The following SYDE2 variants were observed in gnomAD, a reference collection of about 807,000 sequenced individuals.
The protein encoded by SYDE2 is rho GTPase-activating protein SYDE2.
SYDE2 carries 76 observed loss-of-function variants against 91.5 expected under a neutral mutation model. The observed-to-expected ratio is 0.83, with a 90% CI of 0.69 to 1.01. The LOEUF is 1.01. SYDE2 is among the 50% of genes least tolerant of loss of function. SYDE2 has a pLI of 0.00. For synonymous variants in SYDE2, 513 were observed against 506.4 expected, an observed-to-expected ratio of 1.01 and a Z score of -0.18; for missense variants, 1,364 against 1,367.7, an observed-to-expected ratio of 1.00 and a Z score of 0.04.
rs1188818421 is a variant in SYDE2, at chr1:85,159,138, C to T, written c.3197G>A (p.Gly1066Asp). ...KERPHMLNLS[G>D]TDSSGVLRPR... ...CCTAAGTACTCCTGATGAATCAGTA[C>T]CACTCAAATTTAACATATGAGGTCG... Residue 1066 changes from glycine to aspartate, a missense_variant, in exon 7 of 7, where the codon GGT becomes GAT. Gly to Asp is a moderately conservative substitution (Grantham distance 94). Coordinates refer to ENST00000341460, the MANE Select transcript of SYDE2 (RefSeq NM_032184.2). 3.8e-6 allele frequency: 3 copies of T among 780,690 alleles called. No individual in the cohort carries two copies. Among genetic ancestry groups the T allele is most frequent in the Non-Finnish European group, 7.2e-6 (3 of 417,962 alleles). The allele number at this position is 780,690 out of a possible 1,614,324, so 48.4% of individuals were successfully genotyped here. A position where few individuals can be genotyped will look rare whatever the true frequency, so the allele number is the denominator to read the frequency against.
At chr1:85,185,235 ATAT>A (rs1374929421) in intron 2 of SYDE2, among the ~76,000 whole-genome samples, 3 of 147,638 alleles carry the variant, frequency 2.0e-5, no homozygotes, top group Admixed American at 6.8e-5. Context: ...ATATATATTT[ATAT>A]TATTTTATAA....
chr1:85,194,177 T>C (rs541960524), intron 1 of SYDE2, among the ~76,000 whole-genome samples: 133 of 151,664 alleles, frequency 8.8e-4, no homozygotes, highest in African/African-American at 3.1e-3. Context: ...CATTTTTATC[T>C]CACTTAAATT....
At chr1:85,153,782 C>T (rs1313394807), downstream of SYDE2, 1 of 151,986 alleles carries the variant, frequency 6.6e-6, no homozygotes, top group African/African-American at 2.4e-5. Context: ...TTTTCCAAGT[C>T]TATTTCTCAA....
chr1:85,190,837 A>AT (rs1208312659), intron 1 of SYDE2, 85 bp from the exon 2 acceptor site: 2 of 1,185,658 alleles, frequency 1.7e-6, no homozygotes, highest in Admixed American at 2.6e-5. Context: ...ATTTAAAAAA[A>AT]TTTTTTTAAA....
intron 2 of SYDE2, among the ~76,000 whole-genome samples, chr1:85,186,049 A>G (rs902243496): frequency 2.0e-5 from 3 of 151,650 alleles, no homozygotes; most frequent in Non-Finnish European, 4.4e-5. Context: ...ATCTATTGAG[A>G]TAATCATGTG....
Position 85,200,726 on chromosome 1 carries a change from G to A in SYDE2, c.271C>T (p.Arg91Trp). The A allele has an allele frequency of 6.5e-7, 1 of 1,534,948 alleles. No homozygotes were observed. Among genetic ancestry groups the A allele is most frequent in the South Asian group, 1.2e-5 (1 of 83,990 alleles). ...AAGGGAGGCGGCTTGGCACCCACCC[G>A]GAGGCTCTCGAGGCTTCTGCTGCAG... ...PSCSRSLESL[R>W]VGAKPPPFQR... Residue 91 changes from arginine (R) to tryptophan (W), a missense_variant, in exon 1 of 7, where the codon CGG becomes TGG. By Grantham distance (101) the Arg-to-Trp change is moderately radical. Coordinates refer to ENST00000341460, the MANE Select transcript of SYDE2 (RefSeq NM_032184.2).
intron 1 of SYDE2, among the ~76,000 whole-genome samples, chr1:85,195,869 G>A (rs938469062): frequency 1.3e-5 from 2 of 152,082 alleles, no homozygotes; most frequent in African/African-American, 4.8e-5. Context: ...TAAGTGCTAG[G>A]CACAGCACCA....
At chr1:85,186,672 G>T (rs1204009206) in intron 2 of SYDE2, among the ~76,000 whole-genome samples, 1 of 151,700 alleles carries the variant, frequency 6.6e-6, no homozygotes, top group East Asian at 1.9e-4. Flanking sequence ...CAGAGATATA[G>T]ATCAATGGAA....
In SYDE2 at chr1:85,160,235, T is replaced by C. The variant is rs959178596; in HGVS notation, c.3086-986A>G. On this transcript the variant is annotated intron_variant, in intron 6 of 6. Coordinates refer to ENST00000341460, the MANE Select transcript of SYDE2 (RefSeq NM_032184.2). ...CAACTTTATACTCTCCAATATATAA[T>C]GAATGCTTGTTTGCTGTTGTATAAA... 4.1e-6 allele frequency: 4 copies of C among 969,176 alleles called. No individual in the cohort carries two copies. In the African/African-American group the frequency reaches 7.0e-5, roughly 17 times the overall value. The allele number at this position is 969,176 out of a possible 1,614,324, so 60.0% of individuals were successfully genotyped here.
chr1:85,159,259 A>G lies in SYDE2; in HGVS notation c.3086-10T>C, dbSNP rs752908055. ...ACAGTTAAACGCTGCACTAGAAACAAACAATAATTTTGCTTTAGTGACAGT... is the reference window on the plus strand; with the variant it reads ...ACAGTTAAACGCTGCACTAGAAACAGACAATAATTTTGCTTTAGTGACAGT... On this transcript the variant is annotated splice_polypyrimidine_tract_variant and intron_variant, in intron 6 of 6. Coordinates refer to ENST00000341460, the MANE Select transcript of SYDE2 (RefSeq NM_032184.2). 2.6e-6 allele frequency: 2 copies of G among 775,434 alleles called. No homozygotes were observed. The allele number at this position is 775,434 out of a possible 1,614,324, so 48.0% of individuals were successfully genotyped here. A position where few individuals can be genotyped will look rare whatever the true frequency, so the allele number is the denominator to read the frequency against.
chr1:85,174,531 T>G (rs1166134844), intron 4 of SYDE2, among the ~76,000 whole-genome samples: 7 of 152,154 alleles, frequency 4.6e-5, no homozygotes, highest in Non-Finnish European at 1.0e-4. Flanking sequence ...CATACAAAAC[T>G]TATATAGGTA....
Position 85,182,477 on chromosome 1 carries a change from C to T in SYDE2, c.2165G>A (p.Arg722Gln), listed in dbSNP as rs983367321. ...GTGATCCATGTCTAAAAATGTTGTT[C>T]GGCATGTGAGCAAAGCTGTTCTTGC... ...NKARTALLTC[R>Q]TTFLDMDHTF... is the part of the protein sequence containing the mutation. Residue 722 changes from arginine to glutamine, a missense_variant, in exon 3 of 7, where the codon CGA (arginine) becomes CAA (glutamine). Arg to Gln is a conservative substitution (Grantham distance 43). Coordinates refer to ENST00000341460, the MANE Select transcript of SYDE2 (RefSeq NM_032184.2). 1.1e-5 allele frequency: 17 copies of T among 1,613,414 alleles called. No homozygotes were observed. The highest frequency in any genetic ancestry group is 1.3e-5 in the Non-Finnish European group (15 of 1,179,712).
At position 85,200,820 on chromosome 1, in the gene SYDE2, C is replaced by A; in HGVS notation, c.177G>T (p.Val59=). 1 of 1,427,660 alleles carries A rather than the reference C, an allele frequency of 7.0e-7. No individual in the cohort carries two copies. The highest frequency in any genetic ancestry group is 9.1e-7 in the Non-Finnish European group (1 of 1,098,856). The allele number at this position is 1,427,660 out of a possible 1,614,324, so 88.4% of individuals were successfully genotyped here. The change falls in exon 1 of 7, where the codon GTG becomes GTT. Residue 59 remains valine, a synonymous_variant. Transcript: ENST00000341460. Reference sequence around the variant, plus strand: ...CCCTCTGAGGCGACCGGGGCGGGGACACCTGCTGCCGAGGGCGTCCGCCGC... The same window carrying A: ...CCCTCTGAGGCGACCGGGGCGGGGAAACCTGCTGCCGAGGGCGTCCGCCGC... The part of the protein sequence containing the change: ...RGGGGRPRQQ[V]SPPRSPQREP...
At position 85,158,049 on chromosome 1, in the gene SYDE2, C is replaced by T. The variant is rs112094647; in HGVS notation, c.*701G>A. On this transcript the variant is annotated 3_prime_UTR_variant, in exon 7 of 7. Coordinates refer to ENST00000341460, the MANE Select transcript of SYDE2 (RefSeq NM_032184.2). ...TTGCAGTGTACCAGGACCAGTACTG[C>T]AAATCAGACTGAGCAGCTGTGATGT... 1 of 152,120 alleles carries T rather than the reference C, an allele frequency of 6.6e-6. No individual in the cohort carries two copies. The highest frequency in any genetic ancestry group is 1.5e-5 in the Non-Finnish European group (1 of 68,032). 9.4% of individuals were successfully genotyped at this position (152,120 alleles called of 1,614,324 possible).
intron 6 of SYDE2, chr1:85,160,629 CT>C: frequency 3.0e-5 from 30 of 985,428 alleles, no homozygotes; most frequent in Non-Finnish European, 3.6e-5. Context: ...CTTCCTCTAG[CT>C]GCTTATCACC....
chr1:85,195,157 C>T (rs1658535869), intron 1 of SYDE2, among the ~76,000 whole-genome samples: 1 of 127,602 alleles, frequency 7.8e-6, no homozygotes, highest in Non-Finnish European at 1.6e-5. Flanking sequence ...TAGACTCCAT[C>T]TAAAAAAAAA....
At chr1:85,198,777 A>C (rs1658696962) in intron 1 of SYDE2, among the ~76,000 whole-genome samples, 1 of 150,702 alleles carries the variant, frequency 6.6e-6, no homozygotes, top group Non-Finnish European at 1.5e-5. Context: ...CTGAAATTCA[A>C]CTATGGTACC....
At chr1:85,196,565 C>G (rs1454620398) in intron 1 of SYDE2, among the ~76,000 whole-genome samples, 1 of 151,064 alleles carries the variant, frequency 6.6e-6, no homozygotes, top group African/African-American at 2.4e-5. Flanking sequence ...GTTTTCCAGC[C>G]ACCAGCAACT....
At chr1:85,166,929 G>A in intron 5 of SYDE2, among the ~76,000 whole-genome samples, 1 of 152,136 alleles carries the variant, frequency 6.6e-6, no homozygotes, top group Non-Finnish European at 1.5e-5. Context: ...AAATTAGTCT[G>A]GCTGGGCGTG....
Sources: gnomAD v4.1 joint callset for allele counts (sites outside exome capture counted in the v4.1 genomes callset) on GRCh38, gnomAD v4.1.1 for gene constraint, MANE v1.5 for transcripts, NCBI Gene and HGNC (gene_info 2026-07-23, HGNC 2026-07-21) for gene names.